Variants in RSBN1L observed in about 807,000 individuals in gnomAD.
The protein encoded by RSBN1L is lysine-specific demethylase RSBN1L.
RSBN1L carries 30 observed loss-of-function variants against 67.7 expected under a neutral mutation model. The ratio of observed to expected loss-of-function variants is 0.44; its 90% confidence interval spans 0.33 to 0.60. The LOEUF (loss-of-function observed/expected upper bound fraction) is 0.60, where lower values mean the gene tolerates loss of function less well. RSBN1L is among the 20% of genes least tolerant of loss of function. RSBN1L has a pLI of 0.02. For missense variants in RSBN1L, 992 were observed against 1,031.7 expected (o/e 0.96, Z 0.53); for synonymous variants, 433 against 387.0 (o/e 1.12, Z -1.39).
chr7:77,763,817 G>T (rs980108872), intron 3 of RSBN1L, among the ~76,000 whole-genome samples: 1 of 152,184 alleles, frequency 6.6e-6, no homozygotes, highest in Non-Finnish European at 1.5e-5. Flanking sequence ...TTCTCAAAGT[G>T]CTGGGCTTAC....
In RSBN1L at chr7:77,779,267, T is replaced by C; in HGVS notation, c.*99T>C. ...GCCAAGGACTTGCTCCTATGTCTGT[T>C]ACAAAACATAGTTTATGTAGCTTTG... is the stretch of plus-strand genomic sequence containing the variant. On this transcript the variant is annotated 3_prime_UTR_variant, in exon 8 of 8. Coordinates refer to ENST00000334955, the MANE Select transcript of RSBN1L (RefSeq NM_198467.3). 1 of 822,004 alleles carries C rather than the reference T, an allele frequency of 1.2e-6. No homozygotes were observed. The highest frequency in any genetic ancestry group is 2.7e-5 in the East Asian group (1 of 37,364). The allele number at this position is 822,004 out of a possible 1,614,324, so 50.9% of individuals were successfully genotyped here.
At chr7:77,723,150 GA>G (rs1255242347) in intron 1 of RSBN1L, among the ~76,000 whole-genome samples, 2 of 151,836 alleles carry the variant, frequency 1.3e-5, no homozygotes, top group African/African-American at 4.8e-5. Context: ...ATTTTTAGTA[GA>G]GATGGGGTTT....
At chr7:77,739,735 G>GGGTTTTTTTT in intron 2 of RSBN1L, among the ~76,000 whole-genome samples, 1 of 74,530 alleles carries the variant, frequency 1.3e-5, no homozygotes. Flanking sequence ...AAAAAAAAAT[G>GGGTTTTTTTT]TGTCTTTTTT....
chr7:77,710,701 T>C (rs1445026772), intron 1 of RSBN1L, among the ~76,000 whole-genome samples: 1 of 152,182 alleles, frequency 6.6e-6, no homozygotes, highest in Admixed American at 6.5e-5. Flanking sequence ...ATTCAGGTGA[T>C]TCTCCTGCCT....
At chr7:77,758,244 C>G (rs942964537) in intron 3 of RSBN1L, among the ~76,000 whole-genome samples, 2 of 152,012 alleles carry the variant, frequency 1.3e-5, no homozygotes, top group Non-Finnish European at 2.9e-5. Context: ...CTGCAACTTC[C>G]CAGGTTCAAG....
intron 1 of RSBN1L, among the ~76,000 whole-genome samples, chr7:77,732,838 C>G (rs1220999751): frequency 6.6e-6 from 1 of 152,200 alleles, no homozygotes; most frequent in Non-Finnish European, 1.5e-5. Context: ...AATCTTTACA[C>G]AAACTCCATT....
intron 3 of RSBN1L, among the ~76,000 whole-genome samples, chr7:77,755,197 C>T (rs901199680): frequency 4.6e-5 from 7 of 152,232 alleles, no homozygotes; most frequent in Non-Finnish European, 7.4e-5. Flanking sequence ...ACAGCAAAAA[C>T]AAATTGTGGA....
chr7:77,715,526 C>G (rs899286673), intron 1 of RSBN1L, among the ~76,000 whole-genome samples: 2 of 152,010 alleles, frequency 1.3e-5, no homozygotes. Flanking sequence ...CCAGGAAGGT[C>G]TCGAACTCCT....
chr7:77,761,491 G>C (rs1439780956), intron 3 of RSBN1L, among the ~76,000 whole-genome samples: 3 of 152,218 alleles, frequency 2.0e-5, no homozygotes, highest in African/African-American at 7.2e-5. Flanking sequence ...TTAGAGAAAT[G>C]AGGCTTGATT....
At chr7:77,748,599 C>G (rs1028543091) in intron 2 of RSBN1L, among the ~76,000 whole-genome samples, 2 of 152,048 alleles carry the variant, frequency 1.3e-5, no homozygotes, top group African/African-American at 4.8e-5. Flanking sequence ...ATTCTCCTGC[C>G]TCAGCCTCCC....
At position 77,780,659 on chromosome 7, in the gene RSBN1L, T is replaced by C. The variant is rs1370435581; in HGVS notation, c.*1491T>C. On this transcript the variant is annotated 3_prime_UTR_variant, in exon 8 of 8. Coordinates refer to ENST00000334955, the MANE Select transcript of RSBN1L (RefSeq NM_198467.3). ...ATGACTCAACTGCCATATAGAGATA[T>C]AATTAACAAAATACTTTGTGGTACC... 6.6e-6 allele frequency: 1 copy of C among 152,210 alleles called. No homozygotes were observed. Among genetic ancestry groups the C allele is most frequent in the Non-Finnish European group, 1.5e-5 (1 of 68,040 alleles). 9.4% of individuals were successfully genotyped at this position (152,210 alleles called of 1,614,324 possible).
At chr7:77,763,665 A>C (rs928792670) in intron 3 of RSBN1L, among the ~76,000 whole-genome samples, 7 of 152,204 alleles carry the variant, frequency 4.6e-5, no homozygotes, top group African/African-American at 1.7e-4. Flanking sequence ...ATGAGCATAC[A>C]ATGGGGGCAT....
chr7:77,736,608 G>C, intron 2 of RSBN1L, 82 bp downstream of exon 2: 3 of 735,236 alleles, frequency 4.1e-6, no homozygotes, highest in East Asian at 4.1e-5. Flanking sequence ...AATAAGAAAT[G>C]TTATTTGGTG....
intron 1 of RSBN1L, among the ~76,000 whole-genome samples, chr7:77,705,888 C>T (rs1790885314): frequency 1.3e-5 from 2 of 151,856 alleles, no homozygotes; most frequent in Admixed American, 6.6e-5. Flanking sequence ...TTGTCTTTTA[C>T]TTAATAACAT....
At chr7:77,763,149 CTTTTTTTTT>C (rs11440608) in intron 3 of RSBN1L, among the ~76,000 whole-genome samples, 1 of 126,926 alleles carries the variant, frequency 7.9e-6, no homozygotes, top group Non-Finnish European at 1.6e-5. Flanking sequence ...TATAATTTGA[CTTTTTTTTT>C]TTTTTTTTTT....
intron 1 of RSBN1L, among the ~76,000 whole-genome samples, chr7:77,706,355 C>T (rs910355357): frequency 1.3e-5 from 2 of 152,014 alleles, no homozygotes; most frequent in Non-Finnish European, 2.9e-5. Flanking sequence ...GGATTACAGG[C>T]CTGAGCCACC....
chr7:77,731,052 C>G (rs558812110), intron 1 of RSBN1L, among the ~76,000 whole-genome samples: 1 of 152,134 alleles, frequency 6.6e-6, no homozygotes, highest in Non-Finnish European at 1.5e-5. Context: ...TGTCAGTGTT[C>G]TGGATTTTGG....
At position 77,725,032 on chromosome 7, in the gene RSBN1L, C is replaced by T. The variant is rs370588771; in HGVS notation, c.587-11378C>T. ...TAATTTTTTGTATTTTTAGTACAAA[C>T]GGGGTTTCACCATGTTGGCCAGGCT... On this transcript the variant is annotated intron_variant, in intron 1 of 7. Transcript: ENST00000334955. Among the ~76,000 whole-genome samples, 1,439 of 145,432 alleles carry T rather than the reference C, an allele frequency of 9.9e-3. 15 individuals are homozygous for T. The highest frequency in any genetic ancestry group is 0.015 in the Non-Finnish European group (1,016 of 65,918).
chr7:77,745,665 G>A (rs1250858485), intron 2 of RSBN1L, among the ~76,000 whole-genome samples: 1 of 152,210 alleles, frequency 6.6e-6, no homozygotes, highest in Non-Finnish European at 1.5e-5. Flanking sequence ...TTTCACGGAA[G>A]ACAGTGATTC....
Sources: gnomAD v4.1 joint callset for allele counts (sites outside exome capture counted in the v4.1 genomes callset) on GRCh38, gnomAD v4.1.1 for gene constraint, MANE v1.5 for transcripts, NCBI Gene and HGNC (gene_info 2026-07-23, HGNC 2026-07-21) for gene names.